Variants in EXOC4 observed in about 807,000 individuals in gnomAD.
EXOC4 encodes the protein SEC8-like 1.
A neutral mutation model predicts 107.2 loss-of-function variants in EXOC4; 71 were observed. The observed-to-expected ratio is 0.66, with a 90% CI of 0.55 to 0.81. The LOEUF is 0.81. Ranked by LOEUF, EXOC4 falls within the 30% of genes least tolerant of loss-of-function variation. The probability of loss-of-function intolerance (pLI) is 0.00; values close to 1 mark genes in which losing one functional copy is unlikely to be tolerated. For missense variants in EXOC4, 1,108 were observed against 1,189.6 expected (o/e 0.93, Z 1.01); for synonymous variants, 456 against 441.2 (o/e 1.03, Z -0.42).
intron 14 of EXOC4, among the ~76,000 whole-genome samples, chr7:133,974,618 C>T (rs553130691): frequency 3.3e-5 from 5 of 152,148 alleles, no homozygotes; most frequent in Non-Finnish European, 5.9e-5. Flanking sequence ...GCATTTTGTT[C>T]GTGCCCTGTA....
In EXOC4 at chr7:134,021,638, C is replaced by A. The variant is rs1419904719; in HGVS notation, c.2687+13803C>A. Among the ~76,000 whole-genome samples, 13 of 150,748 alleles carry A rather than the reference C, an allele frequency of 8.6e-5. 1 individual carries two copies. Among genetic ancestry groups the A allele is most frequent in the African/African-American group, 3.2e-4 (13 of 40,890 alleles). On this transcript the variant is annotated intron_variant, in intron 17 of 17. Transcript: ENST00000253861. ...GGCTTCAGTTGCCGTGTGATGATTT[C>A]CATTGCCTGGAATCTACATGTTTAA... is the stretch of plus-strand genomic sequence containing the variant.
intron 10 of EXOC4, among the ~76,000 whole-genome samples, chr7:133,796,021 CTTTTA>C (rs1796806762): frequency 6.6e-6 from 1 of 152,062 alleles, no homozygotes; most frequent in African/African-American, 2.4e-5. Context: ...ATGATGCTTC[CTTTTA>C]TTTCTTTTTT....
intron 10 of EXOC4, among the ~76,000 whole-genome samples, chr7:133,722,805 G>T (rs1795132432): frequency 6.6e-6 from 1 of 152,160 alleles, no homozygotes; most frequent in Non-Finnish European, 1.5e-5. Context: ...TAAACAAGCA[G>T]GTTTTGAGTT....
chr7:133,467,024 A>G (rs1235730827), intron 7 of EXOC4, among the ~76,000 whole-genome samples: 1 of 152,166 alleles, frequency 6.6e-6, no homozygotes. Context: ...AAATTTATTA[A>G]TTTATAGATC....
intron 9 of EXOC4, among the ~76,000 whole-genome samples, chr7:133,557,428 A>G (rs1031408733): frequency 1.3e-5 from 2 of 152,186 alleles, no homozygotes; most frequent in African/African-American, 2.4e-5. Flanking sequence ...TATATGCCAT[A>G]TGCATTCTGT....
intron 5 of EXOC4, among the ~76,000 whole-genome samples, chr7:133,347,948 T>C (rs1165809177): frequency 6.6e-6 from 1 of 152,178 alleles, no homozygotes; most frequent in Non-Finnish European, 1.5e-5. Flanking sequence ...GGAAGTTAAG[T>C]ATTTCTAATT....
intron 9 of EXOC4, among the ~76,000 whole-genome samples, chr7:133,545,781 C>T (rs1336964617): frequency 6.6e-6 from 1 of 152,242 alleles, no homozygotes; most frequent in African/African-American, 2.4e-5. Flanking sequence ...GCTAGTTTGA[C>T]CCTATATAAC....
intron 10 of EXOC4, among the ~76,000 whole-genome samples, chr7:133,810,039 G>A (rs1019463572): frequency 2.0e-5 from 3 of 152,162 alleles, no homozygotes; most frequent in Admixed American, 6.5e-5. Flanking sequence ...CATATCAGAA[G>A]GCACATGATG....
chr7:133,576,684 G>T, intron 9 of EXOC4: 1 of 1,289,750 alleles, frequency 7.8e-7, no homozygotes, highest in Non-Finnish European at 1.0e-6. Flanking sequence ...AGCAATGGGA[G>T]CCGTGAAACC....
chr7:133,270,753 G>A (rs998719453), intron 1 of EXOC4, among the ~76,000 whole-genome samples: 4 of 152,154 alleles, frequency 2.6e-5, no homozygotes, highest in African/African-American at 9.7e-5. Flanking sequence ...GCTGAAGAGA[G>A]GTTCATGACC....
intron 10 of EXOC4, among the ~76,000 whole-genome samples, chr7:133,723,607 A>C (rs547336521): frequency 6.4e-4 from 98 of 152,154 alleles, no homozygotes; most frequent in Admixed American, 1.6e-3. Context: ...CTTGTGCCTC[A>C]GCCTCCCAAG....
intron 7 of EXOC4, among the ~76,000 whole-genome samples, chr7:133,405,746 A>G (rs1356644080): frequency 1.3e-5 from 2 of 152,208 alleles, no homozygotes; most frequent in Admixed American, 1.3e-4. Context: ...ATTAATAACA[A>G]TGATAGTAGT....
At chr7:133,713,244 T>C (rs1374499633) in intron 10 of EXOC4, among the ~76,000 whole-genome samples, 1 of 152,218 alleles carries the variant, frequency 6.6e-6, no homozygotes, top group Non-Finnish European at 1.5e-5. Flanking sequence ...ACTCATCTCC[T>C]CTTCTACAGA....
chr7:133,768,128 A>G (rs904265825), intron 10 of EXOC4: 1 of 152,014 alleles, frequency 6.6e-6, no homozygotes, highest in Non-Finnish European at 1.5e-5. Flanking sequence ...ATCAAGGACT[A>G]AGACAGAAGA....
chr7:134,074,599 G>A, the EXOC4 span, among the ~76,000 whole-genome samples: 1 of 152,232 alleles, frequency 6.6e-6, no homozygotes, highest in Non-Finnish European at 1.5e-5. Flanking sequence ...CCCAAGAGGA[G>A]AGTGGGGATG....
At chr7:133,875,974 T>G (rs931337332) in intron 11 of EXOC4, among the ~76,000 whole-genome samples, 1 of 152,194 alleles carries the variant, frequency 6.6e-6, no homozygotes, top group East Asian at 1.9e-4. Context: ...CAGTATAAAC[T>G]GTTTTGCTGT....
At position 133,825,029 on chromosome 7, in the gene EXOC4, C is replaced by T. The variant is rs530525015; in HGVS notation, c.1734+7485C>T. Among the ~76,000 whole-genome samples the T allele has an allele frequency of 5.7e-4, 86 of 151,930 alleles. 1 individual carries two copies. Among genetic ancestry groups the T allele is most frequent in the Non-Finnish European group, 9.6e-4 (65 of 67,998 alleles). ...ATTCAGTTTGCTATGTTTTCCTTGA[C>T]GACTCTCTGGCAGGAAGCAGTGTGG... On this transcript the variant is annotated intron_variant, in intron 11 of 17. Transcript: ENST00000253861.
the EXOC4 span, among the ~76,000 whole-genome samples, chr7:134,094,267 A>C: frequency 6.6e-6 from 1 of 152,160 alleles, no homozygotes; most frequent in Non-Finnish European, 1.5e-5. Context: ...AAAGATCCTA[A>C]GAGACTATTA....
chr7:133,821,170 A>G (rs1464962639), intron 11 of EXOC4, among the ~76,000 whole-genome samples: 1 of 152,228 alleles, frequency 6.6e-6, no homozygotes, highest in East Asian at 1.9e-4. Flanking sequence ...CTTTAGTAGC[A>G]TTTACTGTGA....
Sources: allele counts gnomAD v4.1 joint callset (sites outside exome capture counted in the v4.1 genomes callset), GRCh38; gene constraint gnomAD v4.1.1; transcripts MANE v1.5; gene names NCBI Gene and HGNC (gene_info 2026-07-23, HGNC 2026-07-21).